IGF2BP1: variants seen among roughly 807,000 people sequenced by gnomAD.
The protein encoded by IGF2BP1 is insulin-like growth factor 2 mRNA-binding protein 1.
A neutral mutation model predicts 74.9 loss-of-function variants in IGF2BP1; 11 were observed. The observed-to-expected ratio is 0.15, with a 90% CI of 0.09 to 0.24. The LOEUF is 0.24. Ranked by LOEUF, IGF2BP1 falls within the 10% of genes least tolerant of loss-of-function variation. The probability of loss-of-function intolerance (pLI) is 1.00; values close to 1 mark genes in which losing one functional copy is unlikely to be tolerated. For missense variants in IGF2BP1, 440 were observed against 757.4 expected (o/e 0.58, Z 4.92); for synonymous variants, 287 against 281.8 (o/e 1.02, Z -0.18).
In IGF2BP1 at chr17:49,055,836, G is replaced by GTTTT. The variant is rs59508101; in HGVS notation, c.*6411_*6414dup. Among the ~76,000 whole-genome samples, 66 of 125,862 alleles carry GTTTT rather than the reference G, an allele frequency of 5.2e-4. 1 individual carries two copies. Among genetic ancestry groups the GTTTT allele is most frequent in the African/African-American group, 1.7e-3 (56 of 32,558 alleles). 82.6% of individuals were successfully genotyped at this position (125,862 alleles called of 152,430 possible). The stretch of plus-strand genomic sequence containing the variant: ...AGCTGGAGGCCTACTGCTTGGGACA[G>GTTTT]TTTTTTTTTTTTTTTTTTTTTTAAA... On this transcript the variant is annotated 3_prime_UTR_variant, in exon 15 of 15. Coordinates refer to ENST00000290341, the MANE Select transcript of IGF2BP1 (RefSeq NM_006546.4).
chr17:49,035,971 C>T (rs370631776), intron 5 of IGF2BP1, among the ~76,000 whole-genome samples: 8 of 152,276 alleles, frequency 5.3e-5, no homozygotes, highest in African/African-American at 1.9e-4. Context: ...AGGCTGGTCT[C>T]GGCCTGGTAA....
chr17:49,035,933 A>G (rs1345716659), intron 5 of IGF2BP1, among the ~76,000 whole-genome samples: 2 of 152,162 alleles, frequency 1.3e-5, no homozygotes, highest in African/African-American at 2.4e-5. Context: ...CCGGGACTGC[A>G]CTAGGCGGGA....
chr17:49,023,403 T>C (rs1054244790), intron 2 of IGF2BP1, among the ~76,000 whole-genome samples: 7 of 152,188 alleles, frequency 4.6e-5, no homozygotes, highest in Non-Finnish European at 7.3e-5. Flanking sequence ...CTCTCCACAT[T>C]TAGAATTGCA....
chr17:49,050,362 A>G lies in IGF2BP1; in HGVS notation c.*918A>G, dbSNP rs1486335664. On this transcript the variant is annotated 3_prime_UTR_variant, in exon 15 of 15. Coordinates refer to ENST00000290341, the MANE Select transcript of IGF2BP1 (RefSeq NM_006546.4). Reference sequence around the variant, plus strand: ...TTATATTTTTTTAAAGTCTATTTTAATGATTGGATATGAGCACTGGGAAGG... The same window carrying G: ...TTATATTTTTTTAAAGTCTATTTTAGTGATTGGATATGAGCACTGGGAAGG... 1 of 152,534 alleles carries G rather than the reference A, an allele frequency of 6.6e-6. No individual in the cohort carries two copies. The highest frequency in any genetic ancestry group is 1.5e-5 in the Non-Finnish European group (1 of 68,034). 9.4% of individuals were successfully genotyped at this position (152,534 alleles called of 1,614,324 possible).
In IGF2BP1 at chr17:49,050,547, G is replaced by A. The variant is rs2042155866; in HGVS notation, c.*1103G>A. 1 of 152,272 alleles carries A rather than the reference G, an allele frequency of 6.6e-6. No homozygotes were observed. Among genetic ancestry groups the A allele is most frequent in the Middle Eastern group, 3.4e-3 (1 of 294 alleles). 9.4% of individuals were successfully genotyped at this position (152,272 alleles called of 1,614,324 possible). A position where few individuals can be genotyped will look rare whatever the true frequency, so the allele number is the denominator to read the frequency against. On this transcript the variant is annotated 3_prime_UTR_variant, in exon 15 of 15. Transcript: ENST00000290341. ...TCCCAGCCACGGCACTGTTACCTTG[G>A]TGGTGGGACTTGGAACCCAACCCTG...
At position 49,039,871 on chromosome 17, in the gene IGF2BP1, T is replaced by G; in HGVS notation, c.684-86T>G. On this transcript the variant is annotated intron_variant, in intron 6 of 14. Transcript: ENST00000290341. ...TCAAGAAGAGCAGGTTCTATGCCTTTGACTGAGGAGGGGTAGTGGGGTGGG... is the reference window on the plus strand; with the variant it reads ...TCAAGAAGAGCAGGTTCTATGCCTTGGACTGAGGAGGGGTAGTGGGGTGGG... 3 of 1,448,804 alleles carry G rather than the reference T, an allele frequency of 2.1e-6. No individual in the cohort carries two copies. The South Asian group carries it at 3.7e-5, about 18-fold the overall frequency. 89.7% of individuals were successfully genotyped at this position (1,448,804 alleles called of 1,614,324 possible).
At position 49,055,836 on chromosome 17, in the gene IGF2BP1, GTTTTT is replaced by G. The variant is rs59508101; in HGVS notation, c.*6410_*6414del. On this transcript the variant is annotated 3_prime_UTR_variant, in exon 15 of 15. Transcript: ENST00000290341. ...AGCTGGAGGCCTACTGCTTGGGACA[GTTTTT>G]TTTTTTTTTTTTTTTTTAAATATGA... Among the ~76,000 whole-genome samples, 2 of 125,890 alleles carry G rather than the reference GTTTTT, an allele frequency of 1.6e-5. No homozygotes were observed. Among genetic ancestry groups the G allele is most frequent in the Non-Finnish European group, 1.6e-5 (1 of 61,608 alleles). 82.6% of individuals were successfully genotyped at this position (125,890 alleles called of 152,430 possible). A position where few individuals can be genotyped will look rare whatever the true frequency, so the allele number is the denominator to read the frequency against.
intron 2 of IGF2BP1, among the ~76,000 whole-genome samples, chr17:49,016,117 C>T (rs1032876005): frequency 1.3e-5 from 2 of 152,228 alleles, no homozygotes; most frequent in Non-Finnish European, 2.9e-5. Flanking sequence ...ACTTTTCCTG[C>T]TTCTGACGTC....
At chr17:49,045,656 A>G (rs914974584) in intron 12 of IGF2BP1, among the ~76,000 whole-genome samples, 1 of 152,170 alleles carries the variant, frequency 6.6e-6, no homozygotes, top group Non-Finnish European at 1.5e-5. Context: ...TGTTTATTCA[A>G]TTACTCATAA....
intron 3 of IGF2BP1, 102 bp from the exon 4 acceptor site, chr17:49,026,364 C>A: frequency 3.0e-6 from 3 of 989,550 alleles, no homozygotes; most frequent in South Asian, 1.3e-5. Context: ...TCCTATGGCT[C>A]TGTCAATGCC....
At chr17:49,010,872 T>C (rs975354697) in intron 2 of IGF2BP1, among the ~76,000 whole-genome samples, 4 of 151,908 alleles carry the variant, frequency 2.6e-5, no homozygotes, top group Non-Finnish European at 5.9e-5. Flanking sequence ...AGGGAGACTT[T>C]AGAGCTAAGC....
intron 9 of IGF2BP1, 91 bp downstream of exon 9, chr17:49,042,468 G>A (rs1236981131): frequency 1.4e-6 from 2 of 1,414,890 alleles, no homozygotes; most frequent in South Asian, 2.4e-5. Flanking sequence ...TGTGCCCTGT[G>A]CCGTGTGGCC....
At chr17:49,035,511 C>T (rs1022906908) in intron 5 of IGF2BP1, among the ~76,000 whole-genome samples, 12 of 152,322 alleles carry the variant, frequency 7.9e-5, no homozygotes, top group South Asian at 6.2e-4. Context: ...ATGCGAGGTG[C>T]GCTGGGAGGT....
intron 4 of IGF2BP1, 91 bp from the exon 5 acceptor site, chr17:49,031,801 CCTGCCAGATGTCTTCTTG>C: frequency 1.0e-6 from 1 of 984,052 alleles, no homozygotes; most frequent in Non-Finnish European, 1.6e-6. Flanking sequence ...CCGTGTCTGG[CCTGCCAGATGTCTTCTTG>C]ATCTCAAAAC....
At chr17:49,039,122 C>T (rs1284125003) in intron 6 of IGF2BP1, among the ~76,000 whole-genome samples, 4 of 151,994 alleles carry the variant, frequency 2.6e-5, no homozygotes, top group Non-Finnish European at 5.9e-5. Flanking sequence ...GTGATCCGGC[C>T]GCCTCAGCCT....
rs139374016 is a variant in IGF2BP1, at chr17:49,022,879, G to A, written c.237-2739G>A. Among the ~76,000 whole-genome samples the A allele has an allele frequency of 1.6e-3, 244 of 152,284 alleles. 1 individual carries two copies. The highest frequency in any genetic ancestry group is 5.2e-3 in the African/African-American group (217 of 41,556). On this transcript the variant is annotated intron_variant, in intron 2 of 14. Transcript: ENST00000290341. ...ACTGGGGTTCCCTTAGGCCCTTACT[G>A]GTTTGAACTCCCAGGTAAGCCACCC... is the stretch of plus-strand genomic sequence containing the variant.
rs1001422336 is a variant in IGF2BP1, at chr17:49,025,722, G to T, written c.285+56G>T. On this transcript the variant is annotated intron_variant, in intron 3 of 14. Transcript: ENST00000290341. ...TGGGATAGTGGAGCCTGGAAAGTAC[G>T]TCTGGACTAGCTGGAGTTGCCAGAA... The T allele has an allele frequency of 2.6e-6, 4 of 1,516,932 alleles. No homozygotes were observed. In the Admixed American group the frequency reaches 6.8e-5, roughly 26 times the overall value. The allele number at this position is 1,516,932 out of a possible 1,614,324, so 94.0% of individuals were successfully genotyped here.
chr17:48,997,966 A>G lies in IGF2BP1; in HGVS notation c.175+46A>G. On this transcript the variant is annotated intron_variant, in intron 1 of 14. Coordinates refer to ENST00000290341, the MANE Select transcript of IGF2BP1 (RefSeq NM_006546.4). The surrounding 1 kb of genome is among the most constrained non-coding windows in gnomAD (Gnocchi z 4.8). ...CGGAAAAGCCACAACGAGAGCCCCGAACAACGGAGACCCGCACCTTCCGGT... is the reference window on the plus strand; with the variant it reads ...CGGAAAAGCCACAACGAGAGCCCCGGACAACGGAGACCCGCACCTTCCGGT... 20 of 1,591,500 alleles carry G rather than the reference A, an allele frequency of 1.3e-5. No homozygotes were observed. The highest frequency in any genetic ancestry group is 1.6e-5 in the Non-Finnish European group (19 of 1,166,948).
intron 2 of IGF2BP1, among the ~76,000 whole-genome samples, chr17:49,016,807 CT>C (rs1162366647): frequency 5.2e-5 from 7 of 134,046 alleles, no homozygotes; most frequent in Admixed American, 3.0e-4. Context: ...GCCCGCCCCC[CT>C]GTCCTCCTGC....
Sources: gnomAD v4.1 joint callset for allele counts (sites outside exome capture counted in the v4.1 genomes callset) on GRCh38, gnomAD v4.1.1 for gene constraint, Gnocchi (gnomAD v3.1) non-coding constraint, MANE v1.5 for transcripts, NCBI Gene and HGNC (gene_info 2026-07-23, HGNC 2026-07-21) for gene names.